Variants in SAFB observed in about 807,000 individuals in gnomAD.
SAFB encodes scaffold attachment factor B.
SAFB carries 15 observed loss-of-function variants against 101.6 expected under a neutral mutation model. That is an observed-to-expected ratio of 0.15 (90% confidence interval 0.10 to 0.23). SAFB has a LOEUF of 0.23. Ranked by LOEUF, SAFB falls within the 10% of genes least tolerant of loss-of-function variation. The pLI is 1.00. For missense variants in SAFB, 930 were observed against 1,104.1 expected, an observed-to-expected ratio of 0.84 and a Z score of 2.23; for synonymous variants, 449 against 407.5, an observed-to-expected ratio of 1.10 and a Z score of -1.23.
intron 5 of SAFB, 23 bp from the exon 6 acceptor site, chr19:5,647,993 C>A (rs752952425): frequency 1.2e-6 from 2 of 1,607,572 alleles, no homozygotes; most frequent in Non-Finnish European, 1.7e-6. Flanking sequence ...CTGGCACAGT[C>A]TTATTTACGT....
At position 5,623,125 on chromosome 19, in the gene SAFB, G is replaced by A; in HGVS notation, c.-81G>A. 2 of 1,401,066 alleles carry A rather than the reference G, an allele frequency of 1.4e-6. No individual in the cohort carries two copies. 86.8% of individuals were successfully genotyped at this position (1,401,066 alleles called of 1,614,324 possible). On this transcript the variant is annotated 5_prime_UTR_variant, in exon 1 of 21. Transcript: ENST00000588852. ...GGGCGACTGGAGCGGTTCCCTCGCA[G>A]GCGGCGCCATTTTGTGCTAGGAGCC...
chr19:5,635,934 G>GT (rs754461751), intron 2 of SAFB, among the ~76,000 whole-genome samples: 1 of 151,942 alleles, frequency 6.6e-6, no homozygotes, highest in African/African-American at 2.4e-5. Flanking sequence ...TTCATTTTTG[G>GT]TTTTTTTAGA....
chr19:5,667,718 G>T lies in SAFB; in HGVS notation c.2558-102G>T. ...TCTTCCTGGGACCCGCTAGTTGTGGGTACCTGGGGGCCTCACCAAAGGGAG... is the reference window on the plus strand; with the variant it reads ...TCTTCCTGGGACCCGCTAGTTGTGGTTACCTGGGGGCCTCACCAAAGGGAG... On this transcript the variant is annotated intron_variant, in intron 19 of 20. Coordinates refer to ENST00000588852, the MANE Select transcript of SAFB (RefSeq NM_001201338.2). The surrounding 1 kb of genome is among the most constrained non-coding windows in gnomAD (Gnocchi z 4.0). 8.8e-7 allele frequency: 1 copy of T among 1,134,792 alleles called. No homozygotes were observed. The highest frequency in any genetic ancestry group is 1.3e-6 in the Non-Finnish European group (1 of 763,084). 70.3% of individuals were successfully genotyped at this position (1,134,792 alleles called of 1,614,324 possible).
chr19:5,656,107 G>A (rs1289028440), intron 13 of SAFB, among the ~76,000 whole-genome samples: 4 of 152,022 alleles, frequency 2.6e-5, no homozygotes, highest in African/African-American at 9.7e-5. Flanking sequence ...AAAATGTAAG[G>A]CTTGTTTGGA....
intron 2 of SAFB, among the ~76,000 whole-genome samples, chr19:5,633,946 T>C (rs1051502975): frequency 6.6e-6 from 1 of 152,064 alleles, no homozygotes; most frequent in East Asian, 1.9e-4. Context: ...AAAGACAGCT[T>C]AAGAAAGGTG....
intron 13 of SAFB, among the ~76,000 whole-genome samples, chr19:5,656,282 T>C (rs1296606222): frequency 2.0e-5 from 3 of 152,112 alleles, no homozygotes; most frequent in Non-Finnish European, 4.4e-5. Context: ...TATTTGTTAT[T>C]ATTATTTTTT....
At chr19:5,653,068 C>T (rs2053974658) in intron 9 of SAFB, 47 bp from the exon 10 acceptor site, 8 of 1,608,084 alleles carry the variant, frequency 5.0e-6, no homozygotes, top group Non-Finnish European at 6.8e-6. Flanking sequence ...CCATGCCCCG[C>T]TCAGTGGGCT....
chr19:5,639,903 T>A (rs2053669049), intron 2 of SAFB, among the ~76,000 whole-genome samples: 4 of 151,994 alleles, frequency 2.6e-5, no homozygotes, highest in Non-Finnish European at 5.9e-5. Flanking sequence ...AACGGCAGGA[T>A]CTCGGCTCAC....
At chr19:5,626,268 G>GCA in intron 1 of SAFB, 137 bp from the exon 2 acceptor site, 1 of 560,180 alleles carries the variant, frequency 1.8e-6, no homozygotes. Context: ...TGAGTGGATG[G>GCA]GCCACAGGTC....
At chr19:5,668,009 G>A in intron 20 of SAFB, 123 bp downstream of exon 20, 28 of 1,417,630 alleles carry the variant, frequency 2.0e-5, no homozygotes, top group Non-Finnish European at 2.6e-5. Flanking sequence ...GTGAGGCCAG[G>A]CATGGGGTAC....
chr19:5,662,643 C>T (rs12980738), intron 15 of SAFB, among the ~76,000 whole-genome samples: 1 of 139,120 alleles, frequency 7.2e-6, no homozygotes, highest in Non-Finnish European at 1.6e-5. Flanking sequence ...AGGCCCTTTC[C>T]TTTTTTTTTT....
Position 5,654,350 on chromosome 19 carries a change from T to G in SAFB, c.1667-18T>G. 1 of 1,605,260 alleles carries G rather than the reference T, an allele frequency of 6.2e-7. No homozygotes were observed. The highest frequency in any genetic ancestry group is 8.5e-7 in the Non-Finnish European group (1 of 1,172,088). The stretch of plus-strand genomic sequence containing the variant: ...TATTCTTGGTTTTCCACTTACACTT[T>G]CCCCGTCTTTTCTGTAGGAAGTCGA... On this transcript the variant is annotated intron_variant, in intron 12 of 20. Transcript: ENST00000588852.
chr19:5,627,415 C>G (rs1228726010), intron 2 of SAFB, among the ~76,000 whole-genome samples: 1 of 152,128 alleles, frequency 6.6e-6, no homozygotes, highest in Non-Finnish European at 1.5e-5. Flanking sequence ...TTGCACTGAG[C>G]TATCATGGCA....
At chr19:5,662,380 G>C (rs1439616945) in intron 15 of SAFB, among the ~76,000 whole-genome samples, 1 of 151,910 alleles carries the variant, frequency 6.6e-6, no homozygotes, top group African/African-American at 2.4e-5. Context: ...TGTAATCCCA[G>C]CTACTGGGGA....
At position 5,668,268 on chromosome 19, in the gene SAFB, G is replaced by A; in HGVS notation, c.2731G>A (p.Ala911Thr). The change falls in exon 21 of 21, where the codon GCC becomes ACC. Residue 911 changes from alanine to threonine, a missense_variant. Ala to Thr is a moderately conservative substitution (Grantham distance 58). Coordinates refer to ENST00000588852, the MANE Select transcript of SAFB (RefSeq NM_001201338.2). Reference sequence around the variant, plus strand: ...GAGCCGGGGGAGCAGGCCCAGCGATGCCCGCTTCACTCGCCGCTACTGAGT... The same window carrying A: ...GAGCCGGGGGAGCAGGCCCAGCGATACCCGCTTCACTCGCCGCTACTGAGT... ...GQSRGSRPSD[A>T]RFTRRY 5.0e-6 allele frequency: 8 copies of A among 1,611,866 alleles called. No homozygotes were observed. Among genetic ancestry groups the A allele is most frequent in the Non-Finnish European group, 6.8e-6 (8 of 1,179,556 alleles).
chr19:5,651,312 G>T (rs1391906581), intron 9 of SAFB, among the ~76,000 whole-genome samples: 1 of 152,168 alleles, frequency 6.6e-6, no homozygotes, highest in African/African-American at 2.4e-5. Flanking sequence ...TCCCTGTGAT[G>T]GCTCGTGGAT....
chr19:5,662,905 G>A (rs2054247886), intron 15 of SAFB, among the ~76,000 whole-genome samples: 1 of 151,780 alleles, frequency 6.6e-6, no homozygotes, highest in South Asian at 2.1e-4. Context: ...GACTCCCAAA[G>A]TGCTGGGATT....
chr19:5,648,691 G>C (rs1416839352), intron 6 of SAFB, among the ~76,000 whole-genome samples: 1 of 152,204 alleles, frequency 6.6e-6, no homozygotes, highest in Non-Finnish European at 1.5e-5. Context: ...GCTAAATTTG[G>C]AAGAGTCATA....
intron 15 of SAFB, among the ~76,000 whole-genome samples, chr19:5,663,249 C>T (rs949606714): frequency 1.3e-5 from 2 of 152,158 alleles, no homozygotes; most frequent in African/African-American, 4.8e-5. Context: ...GATCCACCCA[C>T]CTTGGCCTCC....
Sources: gnomAD v4.1 joint callset for allele counts (sites outside exome capture counted in the v4.1 genomes callset) on GRCh38, gnomAD v4.1.1 for gene constraint, Gnocchi (gnomAD v3.1) non-coding constraint, MANE v1.5 for transcripts, NCBI Gene and HGNC (gene_info 2026-07-23, HGNC 2026-07-21) for gene names.